WNK2: variants seen among roughly 807,000 people sequenced by gnomAD.
WNK2 encodes serine/threonine-protein kinase WNK2.
In WNK2, 67 loss-of-function variants were observed where a neutral mutation model predicts 192.1. The ratio of observed to expected loss-of-function variants is 0.35; its 90% CI spans 0.29 to 0.43. The LOEUF (loss-of-function observed/expected upper bound fraction) is 0.43. Ranked by LOEUF, WNK2 falls within the 20% of genes least tolerant of loss-of-function variation. The pLI is 1.00. For missense variants in WNK2, 2,698 were observed against 3,089.7 expected (o/e 0.87, Z 3.01); for synonymous variants, 1,439 against 1,393.9 (o/e 1.03, Z -0.72).
At chr9:93,246,053 C>A (rs1361793659) in intron 7 of WNK2, among the ~76,000 whole-genome samples, 2 of 152,198 alleles carry the variant, frequency 1.3e-5, no homozygotes, top group Non-Finnish European at 2.9e-5. Context: ...ACCTGCCGCC[C>A]CCCACCTGAT....
At chr9:93,231,175 G>C in intron 4 of WNK2, 67 bp downstream of exon 4, 1 of 1,491,218 alleles carries the variant, frequency 6.7e-7, no homozygotes, top group Non-Finnish European at 9.3e-7. Flanking sequence ...GAGTGCTGGC[G>C]AGCATCCAGT....
intron 26 of WNK2, among the ~76,000 whole-genome samples, chr9:93,306,181 A>G (rs1034292202): frequency 6.6e-5 from 10 of 152,218 alleles, no homozygotes; most frequent in African/African-American, 2.2e-4. Flanking sequence ...TAGTGTCCCC[A>G]GACATTGAGG....
chr9:93,263,790 T>C (rs1373143972), intron 15 of WNK2, 56 bp downstream of exon 15: 3 of 128,970 alleles, frequency 2.3e-5, no homozygotes, highest in Admixed American at 2.0e-4. Flanking sequence ...GGTGGGGGTG[T>C]GGTGGGGGTG....
chr9:93,318,952 CTAT>C lies in WNK2; in HGVS notation c.6628+1326_6628+1328del, dbSNP rs954885456. ...CTGGGTAAATTATTTTGGTTCAAATCTATTATTCCATCAATTCAGTTAGAATTG... is the reference window on the plus strand; with the variant it reads ...CTGGGTAAATTATTTTGGTTCAAATCTATTCCATCAATTCAGTTAGAATTG... On this transcript the variant is annotated intron_variant, in intron 29 of 29. Transcript: ENST00000427277. The C allele has an allele frequency of 2.9e-5, 42 of 1,435,488 alleles. No homozygotes were observed. The African/African-American group carries it at 5.4e-4, about 19-fold the overall frequency. The allele number at this position is 1,435,488 out of a possible 1,614,324, so 88.9% of individuals were successfully genotyped here. A position where few individuals can be genotyped will look rare whatever the true frequency, so the allele number is the denominator to read the frequency against.
intron 9 of WNK2, among the ~76,000 whole-genome samples, chr9:93,253,544 T>C (rs1454087566): frequency 6.6e-6 from 1 of 152,144 alleles, no homozygotes; most frequent in Non-Finnish European, 1.5e-5. Context: ...AAGCATCATT[T>C]GTACGAAGGA....
intron 5 of WNK2, among the ~76,000 whole-genome samples, chr9:93,236,131 G>A (rs994177072): frequency 9.9e-5 from 15 of 152,216 alleles, no homozygotes; most frequent in Non-Finnish European, 1.8e-4. Context: ...GGGAGGCAGG[G>A]ATGGTCTGCA....
chr9:93,237,765 C>T (rs1244453937), intron 5 of WNK2, among the ~76,000 whole-genome samples: 1 of 152,226 alleles, frequency 6.6e-6, no homozygotes, highest in African/African-American at 2.4e-5. Context: ...TGGTTCTTCA[C>T]CCGGCCCTGT....
At chr9:93,213,671 C>T (rs1835182475) in intron 2 of WNK2, among the ~76,000 whole-genome samples, 1 of 152,154 alleles carries the variant, frequency 6.6e-6, no homozygotes. Flanking sequence ...TGCCTGTAAT[C>T]CCAGCTACTC....
intron 2 of WNK2, among the ~76,000 whole-genome samples, chr9:93,197,742 T>C (rs7857187): frequency 0.59 from 89,641 of 151,914 alleles, 27,144 homozygotes; most frequent in Non-Finnish European, 0.66. Context: ...AAGTTGGTCT[T>C]GAACTCCTGA....
intron 2 of WNK2, among the ~76,000 whole-genome samples, chr9:93,189,805 G>A (rs548828621): frequency 6.6e-6 from 1 of 152,236 alleles, no homozygotes; most frequent in Non-Finnish European, 1.5e-5. Context: ...GGGTTTGGGG[G>A]ACTGGAGAGC....
intron 19 of WNK2, among the ~76,000 whole-genome samples, chr9:93,275,591 G>A (rs1846723448): frequency 6.6e-6 from 1 of 152,146 alleles, no homozygotes; most frequent in Non-Finnish European, 1.5e-5. Context: ...GCATTGAACT[G>A]TCTTAGCCAG....
At chr9:93,186,565 T>A (rs1336172738) in intron 2 of WNK2, among the ~76,000 whole-genome samples, 1 of 152,196 alleles carries the variant, frequency 6.6e-6, no homozygotes, top group Middle Eastern at 3.2e-3. Flanking sequence ...TAAAGTTAGC[T>A]GGCTGTCCAG....
rs757132351 is a variant in WNK2, at chr9:93,259,121, C to T, written c.2573C>T (p.Ala858Val). The change falls in exon 12 of 30, where the codon GCT (alanine) becomes GTT (valine). Residue 858 changes from alanine to valine, a missense_variant. Physicochemically the swap from Ala to Val is moderately conservative, Grantham distance 64 (BLOSUM62 0). This residue lies in a region of WNK2 where 893 missense variants were observed against 909.0 expected (regional missense o/e 0.98). Transcript: ENST00000427277. The surrounding 1 kb of genome is among the most constrained non-coding windows in gnomAD (Gnocchi z 4.8). ...GCGTCCCCAGCCTTGCCTCTGCAGG[C>T]TGTGAAGCTGCCCCACCCCCCTGGG... is the stretch of plus-strand genomic sequence containing the variant. ...PPASPALPLQAVKLPHPPGAP... is the reference protein window; with the variant it reads ...PPASPALPLQVVKLPHPPGAP... The T allele has an allele frequency of 5.0e-6, 8 of 1,612,036 alleles. No individual in the cohort carries two copies. In the South Asian group the frequency reaches 5.5e-5, roughly 11 times the overall value.
chr9:93,241,542 G>A (rs1454111260), intron 7 of WNK2, among the ~76,000 whole-genome samples: 1 of 152,172 alleles, frequency 6.6e-6, no homozygotes, highest in Non-Finnish European at 1.5e-5. Flanking sequence ...ACTTCTCCAG[G>A]CCGGGCTGGG....
Position 93,239,666 on chromosome 9 carries a change from C to A in WNK2, c.1323-91C>A. On this transcript the variant is annotated intron_variant, in intron 6 of 29. Transcript: ENST00000427277. This position sits in a 1 kb window ranked among gnomAD's most constrained non-coding sequence, Gnocchi z 4.2. ...CTGGCCTCAGGCTCCTGCAGGTGTGCCTGTCCTTGTCCTGGTGCGCATGGA... is the reference window on the plus strand; with the variant it reads ...CTGGCCTCAGGCTCCTGCAGGTGTGACTGTCCTTGTCCTGGTGCGCATGGA... The A allele has an allele frequency of 8.5e-7, 1 of 1,176,400 alleles. No individual in the cohort carries two copies. The highest frequency in any genetic ancestry group is 2.3e-5 in the Admixed American group (1 of 43,730). The allele number at this position is 1,176,400 out of a possible 1,614,324, so 72.9% of individuals were successfully genotyped here.
At chr9:93,261,339 G>A (rs529355804) in intron 12 of WNK2, among the ~76,000 whole-genome samples, 1 of 152,224 alleles carries the variant, frequency 6.6e-6, no homozygotes, top group Non-Finnish European at 1.5e-5. Flanking sequence ...CTGCCAAGGA[G>A]CTTTTAGAGA....
chr9:93,216,661 G>A (rs1174816220), intron 2 of WNK2, among the ~76,000 whole-genome samples: 3 of 151,922 alleles, frequency 2.0e-5, no homozygotes, highest in Admixed American at 1.3e-4. Context: ...AGGCGTGGTA[G>A]CGAGCACCTG....
At chr9:93,232,808 G>A (rs914740385) in intron 4 of WNK2, among the ~76,000 whole-genome samples, 4 of 152,066 alleles carry the variant, frequency 2.6e-5, no homozygotes, top group African/African-American at 9.7e-5. Flanking sequence ...CCCAGCTTTT[G>A]CTCAGCTGGA....
intron 19 of WNK2, among the ~76,000 whole-genome samples, chr9:93,273,957 A>G (rs551629792): frequency 4.1e-4 from 63 of 152,350 alleles, no homozygotes; most frequent in Admixed American, 1.4e-3. Flanking sequence ...AGCAGTACTT[A>G]GAGGGAAATT....
Sources: allele counts gnomAD v4.1 joint callset (sites outside exome capture counted in the v4.1 genomes callset), GRCh38; gene constraint gnomAD v4.1.1; regional missense constraint gnomAD v4.1.1; non-coding constraint Gnocchi (gnomAD v3.1); transcripts MANE v1.5; gene names NCBI Gene and HGNC (gene_info 2026-07-23, HGNC 2026-07-21).